CORO2B: variants seen among roughly 807,000 people sequenced by gnomAD.
CORO2B encodes coronin 2B.
In CORO2B, 26 loss-of-function variants were observed where a neutral mutation model predicts 58.8. That is an observed-to-expected ratio of 0.44 (90% confidence interval 0.32 to 0.61). The LOEUF (loss-of-function observed/expected upper bound fraction) is 0.61. Ranked by LOEUF, CORO2B falls within the 20% of genes least tolerant of loss-of-function variation. The pLI is 0.04. For missense variants in CORO2B, 460 were observed against 645.1 expected, an observed-to-expected ratio of 0.71 and a Z score of 3.11; for synonymous variants, 242 against 253.8, an observed-to-expected ratio of 0.95 and a Z score of 0.44.
intron 1 of CORO2B, among the ~76,000 whole-genome samples, chr15:68,605,130 A>AAG (rs922501965): frequency 2.6e-5 from 4 of 152,182 alleles, no homozygotes; most frequent in African/African-American, 9.6e-5. Context: ...AAAAAAAAAA[A>AAG]AAGAAGTTTT....
chr15:68,691,133 T>C (rs1892353215), intron 2 of CORO2B, among the ~76,000 whole-genome samples: 1 of 150,388 alleles, frequency 6.6e-6, no homozygotes, highest in South Asian at 2.1e-4. Context: ...ATCGAGACCA[T>C]CCTGGCTAAC....
intron 1 of CORO2B, among the ~76,000 whole-genome samples, chr15:68,628,184 C>T (rs756327250): frequency 8.5e-5 from 13 of 152,240 alleles, no homozygotes; most frequent in South Asian, 2.1e-4. Context: ...GTGCCTTCTA[C>T]GTGCCAAGCA....
At chr15:68,694,039 T>C (rs1892450345) in intron 2 of CORO2B, among the ~76,000 whole-genome samples, 1 of 152,198 alleles carries the variant, frequency 6.6e-6, no homozygotes, top group Admixed American at 6.5e-5. Context: ...TTTCTCCACG[T>C]TGGCCAGGCT....
intron 3 of CORO2B, among the ~76,000 whole-genome samples, chr15:68,697,032 C>A (rs1215826334): frequency 4.6e-5 from 7 of 152,192 alleles, no homozygotes; most frequent in Admixed American, 4.6e-4. Flanking sequence ...TGGTTCTGCA[C>A]CCCATGCATC....
chr15:68,695,160 C>G lies in CORO2B; in HGVS notation c.237C>G (p.Asn79Lys), dbSNP rs1245380018. The G allele has an allele frequency of 3.7e-6, 6 of 1,614,042 alleles. No individual in the cohort carries two copies. The highest frequency in any genetic ancestry group is 5.1e-6 in the Non-Finnish European group (6 of 1,179,950). Residue 79 changes from asparagine to lysine, a missense_variant, in exon 3 of 12, where the codon AAC becomes AAG. Physicochemically the swap from Asn to Lys is moderately conservative, Grantham distance 94. Around this residue, in one of 2 missense-constraint regions of CORO2B, gnomAD observed 352 missense variants for 543.0 expected, o/e 0.65. Coordinates refer to ENST00000261861, the MANE Select transcript of CORO2B (RefSeq NM_006091.5). The stretch of plus-strand genomic sequence containing the variant: ...TGCAGACAGGCAGGATTGAACCCAA[C>G]TACCCCAAGGTCTGCGGCCACCAGG... ...PLEQTGRIEP[N>K]YPKVCGHQGN...
intron 2 of CORO2B, among the ~76,000 whole-genome samples, chr15:68,654,635 C>T (rs1308090313): frequency 6.6e-6 from 1 of 152,222 alleles, no homozygotes; most frequent in Non-Finnish European, 1.5e-5. Context: ...CTCAGTTTCC[C>T]TGTTTGTGAA....
At chr15:68,691,640 A>AAG (rs1555416937) in intron 2 of CORO2B, among the ~76,000 whole-genome samples, 2 of 149,552 alleles carry the variant, frequency 1.3e-5, no homozygotes, top group Non-Finnish European at 3.0e-5. Flanking sequence ...AAAAAAAAAA[A>AAG]AAAAAAGAAA....
At chr15:68,544,715 A>G in the CORO2B span, among the ~76,000 whole-genome samples, 2 of 152,026 alleles carry the variant, frequency 1.3e-5, no homozygotes, top group South Asian at 2.1e-4. Flanking sequence ...CATTGGGCCA[A>G]TAGCAGCCCC....
the CORO2B span, among the ~76,000 whole-genome samples, chr15:68,571,456 C>A: frequency 2.6e-5 from 4 of 152,148 alleles, no homozygotes; most frequent in African/African-American, 9.7e-5. Flanking sequence ...ATAAAGAACA[C>A]AAAGAGATGG....
At chr15:68,614,420 C>A (rs994787427) in intron 1 of CORO2B, among the ~76,000 whole-genome samples, 5 of 152,054 alleles carry the variant, frequency 3.3e-5, no homozygotes, top group African/African-American at 1.2e-4. Context: ...TATTGTTTTC[C>A]CTCTAATGCA....
At chr15:68,642,126 G>A (rs1311053385) in intron 1 of CORO2B, among the ~76,000 whole-genome samples, 5 of 146,174 alleles carry the variant, frequency 3.4e-5, no homozygotes, top group Admixed American at 1.4e-4. Flanking sequence ...AACCTCTGCC[G>A]TCTGGGTTCA....
chr15:68,582,958 C>G (rs369368784), intron 1 of CORO2B, among the ~76,000 whole-genome samples: 7 of 152,188 alleles, frequency 4.6e-5, no homozygotes, highest in African/African-American at 1.4e-4. Context: ...TTGCCTGCTG[C>G]ACCTTAGAAG....
At chr15:68,547,201 C>T in the CORO2B span, among the ~76,000 whole-genome samples, 3 of 152,088 alleles carry the variant, frequency 2.0e-5, no homozygotes, top group African/African-American at 7.2e-5. Context: ...GCAAAGAGAG[C>T]AACCCGATTA....
the CORO2B span, among the ~76,000 whole-genome samples, chr15:68,534,277 T>TACACACACCTGCACATATGTGTGC: frequency 7.6e-3 from 1,151 of 152,334 alleles, 18 homozygotes; most frequent in African/African-American, 0.026. Flanking sequence ...CACATATGTG[T>TACACACACCTGCACATATGTGTGC]ACACACACCT....
At chr15:68,638,818 G>A (rs2140267096) in intron 1 of CORO2B, among the ~76,000 whole-genome samples, 1 of 152,352 alleles carries the variant, frequency 6.6e-6, no homozygotes, top group Non-Finnish European at 1.5e-5. Flanking sequence ...CCGCTGGACA[G>A]CAGCGGGGCT....
the CORO2B span, among the ~76,000 whole-genome samples, chr15:68,549,111 T>C: frequency 6.6e-6 from 1 of 152,220 alleles, no homozygotes; most frequent in African/African-American, 2.4e-5. Flanking sequence ...ACAGAATCTT[T>C]GCAGAAAAAT....
chr15:68,581,954 T>C (rs1033618566), intron 1 of CORO2B, among the ~76,000 whole-genome samples: 12 of 152,142 alleles, frequency 7.9e-5, no homozygotes, highest in Admixed American at 7.9e-4. Context: ...GGCAGAGTCC[T>C]CTGGGCCAGG....
At chr15:68,721,042 C>A (rs1893147505) in intron 11 of CORO2B, among the ~76,000 whole-genome samples, 1 of 152,032 alleles carries the variant, frequency 6.6e-6, no homozygotes, top group African/African-American at 2.4e-5. Context: ...CCACCACACC[C>A]AGCTAATTTT....
chr15:68,592,613 C>T lies in CORO2B; in HGVS notation c.15+13336C>T, dbSNP rs146525818. ...ATAAATGAAAAAAGATTCTTCCCAG[C>T]TTTCTGGTTCAAGTCCCACCTCTCT... On this transcript the variant is annotated intron_variant, in intron 1 of 11. Transcript: ENST00000261861. 2.0e-4 allele frequency among the ~76,000 whole-genome samples: 30 copies of T among 152,340 alleles called. No homozygotes were observed. The East Asian group carries it at 5.6e-3, about 28-fold the overall frequency.
Sources: allele counts gnomAD v4.1 joint callset (sites outside exome capture counted in the v4.1 genomes callset), GRCh38; gene constraint gnomAD v4.1.1; regional missense constraint gnomAD v4.1.1; transcripts MANE v1.5; gene names NCBI Gene and HGNC (gene_info 2026-07-23, HGNC 2026-07-21).